Variants in MAPKAP1 observed in about 807,000 individuals in gnomAD.
The protein encoded by MAPKAP1 is target of rapamycin complex 2 subunit MAPKAP1.
A neutral mutation model predicts 65.7 loss-of-function variants in MAPKAP1; 20 were observed. The observed-to-expected ratio is 0.30, with a 90% CI of 0.21 to 0.44. The LOEUF (loss-of-function observed/expected upper bound fraction) is 0.44, where lower values mean the gene tolerates loss of function less well. MAPKAP1 is among the 20% of genes least tolerant of loss of function. The pLI, the probability that MAPKAP1 is intolerant of heterozygous loss-of-function variation, is 1.00. For synonymous variants in MAPKAP1, 222 were observed against 244.3 expected, an observed-to-expected ratio of 0.91 and a Z score of 0.85; for missense variants, 423 against 648.0, an observed-to-expected ratio of 0.65 and a Z score of 3.77.
At chr9:125,485,983 G>C (rs563497564) in intron 8 of MAPKAP1, among the ~76,000 whole-genome samples, 1 of 152,170 alleles carries the variant, frequency 6.6e-6, no homozygotes, top group South Asian at 2.1e-4. Context: ...GAATTGCTTA[G>C]TGGTTGCTCT....
chr9:125,484,769 A>G (rs777121414), intron 8 of MAPKAP1, among the ~76,000 whole-genome samples, 186 bp from the exon 9 acceptor site: 4 of 152,208 alleles, frequency 2.6e-5, no homozygotes, highest in South Asian at 2.1e-4. Context: ...TCATTCAACA[A>G]TTAATTCCAC....
intron 5 of MAPKAP1, among the ~76,000 whole-genome samples, chr9:125,582,258 A>C (rs1184792444): frequency 6.6e-6 from 1 of 152,240 alleles, no homozygotes; most frequent in Non-Finnish European, 1.5e-5. Context: ...CTAGAAGTGA[A>C]ACATGAATGT....
At chr9:125,698,459 T>A (rs1835497969) in intron 1 of MAPKAP1, among the ~76,000 whole-genome samples, 1 of 150,616 alleles carries the variant, frequency 6.6e-6, no homozygotes, top group South Asian at 2.1e-4. Flanking sequence ...TGCCTCAGCC[T>A]CCCGAGTAAC....
At chr9:125,586,789 T>C (rs1373276703) in intron 4 of MAPKAP1, among the ~76,000 whole-genome samples, 1 of 152,100 alleles carries the variant, frequency 6.6e-6, no homozygotes, top group East Asian at 1.9e-4. Context: ...TATAGAAAAG[T>C]GTCACAGAAA....
chr9:125,651,942 C>A (rs1298542393), intron 4 of MAPKAP1, among the ~76,000 whole-genome samples: 1 of 152,170 alleles, frequency 6.6e-6, no homozygotes, highest in Non-Finnish European at 1.5e-5. Flanking sequence ...ACACAGCCAA[C>A]ACTAAAAAGC....
intron 10 of MAPKAP1, among the ~76,000 whole-genome samples, chr9:125,463,049 C>G (rs1853555628): frequency 6.6e-6 from 1 of 152,210 alleles, no homozygotes; most frequent in African/African-American, 2.4e-5. Context: ...AGAAGTCTTG[C>G]AAAAGTACCC....
intron 2 of MAPKAP1, among the ~76,000 whole-genome samples, chr9:125,671,224 A>G (rs890077361): frequency 6.6e-6 from 1 of 152,208 alleles, no homozygotes; most frequent in African/African-American, 2.4e-5. Flanking sequence ...CTTCACTCAA[A>G]TCCTATTTTG....
chr9:125,538,928 G>A (rs1830158481), intron 7 of MAPKAP1, among the ~76,000 whole-genome samples: 1 of 152,122 alleles, frequency 6.6e-6, no homozygotes, highest in Admixed American at 6.5e-5. Flanking sequence ...GTCCAACGAT[G>A]CCATCATTGT....
intron 11 of MAPKAP1, among the ~76,000 whole-genome samples, chr9:125,444,260 C>T (rs1852611692): frequency 1.3e-5 from 2 of 152,212 alleles, no homozygotes; most frequent in Admixed American, 1.3e-4. Context: ...TGGGAGGAAA[C>T]TGAAAAGGGT....
intron 5 of MAPKAP1, among the ~76,000 whole-genome samples, chr9:125,574,644 G>T (rs1321849615): frequency 6.6e-6 from 1 of 152,076 alleles, no homozygotes; most frequent in East Asian, 1.9e-4. Context: ...AAGTCCACAG[G>T]GCATCAGAAT....
chr9:125,659,203 A>T (rs925130419), intron 3 of MAPKAP1, among the ~76,000 whole-genome samples: 4 of 152,210 alleles, frequency 2.6e-5, no homozygotes, highest in African/African-American at 7.2e-5. Context: ...TTAAGCATCT[A>T]TTATGAGCCA....
chr9:125,691,453 T>G (rs1422217121), intron 1 of MAPKAP1, among the ~76,000 whole-genome samples: 1 of 152,116 alleles, frequency 6.6e-6, no homozygotes, highest in Non-Finnish European at 1.5e-5. Context: ...TGAGCGGGCT[T>G]CAGATGTCTA....
At chr9:125,659,592 C>G (rs1479302259) in intron 3 of MAPKAP1, among the ~76,000 whole-genome samples, 1 of 152,040 alleles carries the variant, frequency 6.6e-6, no homozygotes, top group African/African-American at 2.4e-5. Flanking sequence ...CCCTTGTGCA[C>G]TAGATCCCAT....
In MAPKAP1 at chr9:125,677,940, A is replaced by G. The variant is rs568722883; in HGVS notation, c.-69-5297T>C. Among the ~76,000 whole-genome samples the G allele has an allele frequency of 4.6e-5, 7 of 152,282 alleles. No individual in the cohort carries two copies. In the East Asian group the frequency reaches 1.2e-3, roughly 25 times the overall value. ...ACAATTTTTTTTTTCTTTTTGAGAC[A>G]AGGTCTCACTCCCATCGCCCAGGCT... On this transcript the variant is annotated intron_variant, in intron 1 of 11. Coordinates refer to ENST00000265960, the MANE Select transcript of MAPKAP1 (RefSeq NM_001006617.3).
chr9:125,464,273 C>G (rs1282741317), intron 10 of MAPKAP1, among the ~76,000 whole-genome samples: 1 of 146,756 alleles, frequency 6.8e-6, no homozygotes, highest in Non-Finnish European at 1.5e-5. Flanking sequence ...AAAATTATTT[C>G]CCTAAGAAAA....
intron 4 of MAPKAP1, among the ~76,000 whole-genome samples, chr9:125,642,064 GT>G (rs1833594104): frequency 6.6e-6 from 1 of 151,836 alleles, no homozygotes; most frequent in Non-Finnish European, 1.5e-5. Context: ...AATTAGGCCG[GT>G]GTGGTGGCAT....
chr9:125,646,662 T>C (rs1436097116), intron 4 of MAPKAP1, among the ~76,000 whole-genome samples: 1 of 152,068 alleles, frequency 6.6e-6, no homozygotes, highest in East Asian at 1.9e-4. Context: ...GCTAGAAACC[T>C]AATAAAATAG....
intron 5 of MAPKAP1, chr9:125,568,066 G>C (rs1831115674): frequency 6.6e-6 from 1 of 151,916 alleles, no homozygotes; most frequent in Admixed American, 6.6e-5. Flanking sequence ...CCAACTTAGG[G>C]GAGTCAGAGT....
chr9:125,582,650 CCCAGAAACACAACTTTAAATGAG>C (rs1831659840), intron 5 of MAPKAP1, among the ~76,000 whole-genome samples: 3 of 152,148 alleles, frequency 2.0e-5, no homozygotes, highest in Non-Finnish European at 4.4e-5. Flanking sequence ...TCCTTGGCAC[CCCAGAAACACAACTTTAAATGAG>C]CCACAGACCC....
Sources: gnomAD v4.1 joint callset for allele counts (sites outside exome capture counted in the v4.1 genomes callset) on GRCh38, gnomAD v4.1.1 for gene constraint, MANE v1.5 for transcripts, NCBI Gene and HGNC (gene_info 2026-07-23, HGNC 2026-07-21) for gene names.